NFIB: variants seen among roughly 807,000 people sequenced by gnomAD.
NFIB encodes the protein nuclear factor I B, also known as nuclear factor 1 B-type.
In NFIB, 11 loss-of-function variants were observed where a neutral mutation model predicts 61.5. That is an observed-to-expected ratio of 0.18 (90% confidence interval 0.11 to 0.30). The LOEUF is 0.30. Ranked by LOEUF, NFIB falls within the 10% of genes least tolerant of loss-of-function variation. NFIB has a pLI of 1.00. For synonymous variants in NFIB, 260 were observed against 216.5 expected (o/e 1.20, Z -1.76); for missense variants, 471 against 608.9 (o/e 0.77, Z 2.38).
At chr9:14,182,702 CTCTCTCTG>C (rs1171414667) in intron 2 of NFIB, among the ~76,000 whole-genome samples, 2 of 128,908 alleles carry the variant, frequency 1.6e-5, no homozygotes, top group Non-Finnish European at 3.3e-5. Flanking sequence ...CTCTCTCTCT[CTCTCTCTG>C]TGTGTGTGTG....
intron 2 of NFIB, among the ~76,000 whole-genome samples, chr9:14,207,810 GACA>G (rs2049900660): frequency 6.6e-6 from 1 of 152,162 alleles, no homozygotes. Flanking sequence ...TATCTACAGA[GACA>G]ACATGACCAC....
At chr9:14,242,038 G>A (rs2054418041) in intron 2 of NFIB, among the ~76,000 whole-genome samples, 1 of 152,044 alleles carries the variant, frequency 6.6e-6, no homozygotes, top group Non-Finnish European at 1.5e-5. Context: ...AAAAATTCCA[G>A]AAGTTAAGCC....
chr9:14,397,506 A>G (rs1381437535), intron 1 of NFIB, among the ~76,000 whole-genome samples: 2 of 152,094 alleles, frequency 1.3e-5, no homozygotes, highest in Non-Finnish European at 2.9e-5. Flanking sequence ...TAAAATGGGT[A>G]AAGAATAAAA....
chr9:14,155,064 C>T (rs1186854128), intron 4 of NFIB, among the ~76,000 whole-genome samples: 1 of 152,052 alleles, frequency 6.6e-6, no homozygotes, highest in Admixed American at 6.6e-5. Flanking sequence ...TGAAAATATA[C>T]CCTTCAAAGT....
chr9:14,166,845 C>T (rs752987740), intron 3 of NFIB, among the ~76,000 whole-genome samples: 10 of 152,126 alleles, frequency 6.6e-5, no homozygotes, highest in Non-Finnish European at 1.2e-4. Context: ...AATTTTAACG[C>T]TATGAAAGCA....
At chr9:14,297,748 A>G (rs1454203823) in intron 2 of NFIB, among the ~76,000 whole-genome samples, 1 of 152,260 alleles carries the variant, frequency 6.6e-6, no homozygotes, top group Non-Finnish European at 1.5e-5. Context: ...TAATTTAAAA[A>G]TAAAATGTAA....
intron 3 of NFIB, among the ~76,000 whole-genome samples, chr9:14,173,844 CCT>C (rs1181827437): frequency 6.6e-5 from 10 of 152,156 alleles, no homozygotes; most frequent in Admixed American, 2.0e-4. Context: ...TAAATTGTCC[CCT>C]TTTTTTGACT....
the NFIB span, among the ~76,000 whole-genome samples, chr9:14,405,982 A>G: frequency 6.6e-6 from 1 of 152,240 alleles, no homozygotes; most frequent in African/African-American, 2.4e-5. Context: ...TTGTACTGCC[A>G]AAGAAACCAT....
chr9:14,304,274 A>G (rs2059906308), intron 2 of NFIB, among the ~76,000 whole-genome samples: 1 of 152,262 alleles, frequency 6.6e-6, no homozygotes, highest in African/African-American at 2.4e-5. Flanking sequence ...AGAAAGAGGG[A>G]AAAAAGAAAA....
the NFIB span, among the ~76,000 whole-genome samples, chr9:14,469,153 G>A: frequency 1.3e-5 from 2 of 152,156 alleles, no homozygotes; most frequent in East Asian, 3.8e-4. Flanking sequence ...TTCCAGAGCA[G>A]CCAGGTATGA....
In NFIB at chr9:14,164,684, A is replaced by C. The variant is rs139544149; in HGVS notation, c.617-8791T>G. ...ACTTTGAAAACTTAAATGGGCAAGT[A>C]TTAGTAAACTAAAAGTAACCAAAAT... is the stretch of plus-strand genomic sequence containing the variant. On this transcript the variant is annotated intron_variant, in intron 3 of 10. Coordinates refer to ENST00000380953, the MANE Select transcript of NFIB (RefSeq NM_001190737.2). Among the ~76,000 whole-genome samples, 3 of 152,320 alleles carry C rather than the reference A, an allele frequency of 2.0e-5. No homozygotes were observed. The East Asian group carries it at 5.8e-4, about 29-fold the overall frequency.
the NFIB span, among the ~76,000 whole-genome samples, chr9:14,410,977 T>A: frequency 6.6e-6 from 1 of 152,242 alleles, no homozygotes; most frequent in South Asian, 2.1e-4. Flanking sequence ...AAGGTCAGTA[T>A]ATTTTCCCTT....
At chr9:14,271,864 A>T (rs1374830258) in intron 2 of NFIB, among the ~76,000 whole-genome samples, 1 of 152,214 alleles carries the variant, frequency 6.6e-6, no homozygotes. Flanking sequence ...CCATCTTAAA[A>T]ACACTCATAA....
At chr9:14,176,344 C>G (rs1293709203) in intron 3 of NFIB, among the ~76,000 whole-genome samples, 3 of 151,620 alleles carry the variant, frequency 2.0e-5, no homozygotes, top group Non-Finnish European at 4.4e-5. Context: ...ATGTGTATCC[C>G]TAGAAAAATG....
the NFIB span, among the ~76,000 whole-genome samples, chr9:14,455,002 A>G: frequency 6.6e-6 from 1 of 152,244 alleles, no homozygotes; most frequent in East Asian, 1.9e-4. Flanking sequence ...ATGTAATATG[A>G]GCAAAAAATA....
At chr9:14,423,059 T>C in the NFIB span, among the ~76,000 whole-genome samples, 1 of 152,266 alleles carries the variant, frequency 6.6e-6, no homozygotes, top group South Asian at 2.1e-4. Flanking sequence ...TTAGACCCTT[T>C]TGTAAAAAAA....
At chr9:14,508,522 T>C in the NFIB span, among the ~76,000 whole-genome samples, 6 of 152,336 alleles carry the variant, frequency 3.9e-5, no homozygotes, top group African/African-American at 1.4e-4. Flanking sequence ...CTGACATCAA[T>C]GGTTTCTCTT....
chr9:14,299,847 T>C (rs1337005736), intron 2 of NFIB, among the ~76,000 whole-genome samples: 2 of 152,192 alleles, frequency 1.3e-5, no homozygotes, highest in African/African-American at 4.8e-5. Context: ...TTTAGAACAA[T>C]TAAATTTTGA....
the NFIB span, among the ~76,000 whole-genome samples, chr9:14,441,401 G>A: frequency 1.1e-3 from 173 of 152,190 alleles, 1 homozygote; most frequent in African/African-American, 3.9e-3. Flanking sequence ...TGGAGATTTC[G>A]TTTCTTTTCT....
Sources: gnomAD v4.1 joint callset for allele counts (sites outside exome capture counted in the v4.1 genomes callset) on GRCh38, gnomAD v4.1.1 for gene constraint, MANE v1.5 for transcripts, NCBI Gene and HGNC (gene_info 2026-07-23, HGNC 2026-07-21) for gene names.